SEMA6D: variants seen among roughly 807,000 people sequenced by gnomAD.
SEMA6D encodes the protein semaphorin-6D.
Under a neutral mutation model 106.6 loss-of-function variants are expected in SEMA6D, and 35 were observed. That is an observed-to-expected ratio of 0.33 (90% CI 0.25 to 0.44). SEMA6D has a LOEUF of 0.44. Ranked by LOEUF, SEMA6D falls within the 20% of genes least tolerant of loss-of-function variation. The probability of loss-of-function intolerance (pLI) is 1.00; values close to 1 mark genes in which losing one functional copy is unlikely to be tolerated. For synonymous variants in SEMA6D, 499 were observed against 487.7 expected (o/e 1.02, Z -0.31); for missense variants, 1,185 against 1,345.9 (o/e 0.88, Z 1.87).
chr15:47,252,858 A>G (rs2033599582), intron 1 of SEMA6D, among the ~76,000 whole-genome samples: 1 of 152,206 alleles, frequency 6.6e-6, no homozygotes, highest in Non-Finnish European at 1.5e-5. Context: ...TAAATATGGG[A>G]ATGCAGGTAT....
intron 3 of SEMA6D, among the ~76,000 whole-genome samples, chr15:47,484,475 T>A (rs113233073): frequency 0.035 from 5,288 of 152,214 alleles, 236 homozygotes; most frequent in African/African-American, 0.1. Context: ...CAAAGAGGAT[T>A]AGCGCAGGTT....
intron 4 of SEMA6D, among the ~76,000 whole-genome samples, chr15:47,611,548 C>T (rs1020555566): frequency 1.3e-5 from 2 of 152,018 alleles, no homozygotes; most frequent in African/African-American, 2.4e-5. Flanking sequence ...ATTAGGCTGA[C>T]GTAATTACAG....
chr15:47,750,236 G>C (rs2081356639), intron 1 of SEMA6D, among the ~76,000 whole-genome samples: 1 of 152,096 alleles, frequency 6.6e-6, no homozygotes, highest in African/African-American at 2.4e-5. Context: ...ATATTGAGGA[G>C]AAAGAGCCTG....
intron 3 of SEMA6D, among the ~76,000 whole-genome samples, chr15:47,488,845 T>C (rs574525016): frequency 6.6e-6 from 1 of 152,298 alleles, no homozygotes; most frequent in African/African-American, 2.4e-5. Flanking sequence ...GGTCACACTC[T>C]TAGGGTCCTG....
Position 47,745,282 on chromosome 15 carries a change from C to T in SEMA6D, c.-54-14463C>T, listed in dbSNP as rs551775814. Among the ~76,000 whole-genome samples the T allele has an allele frequency of 1.1e-4, 16 of 152,332 alleles. No homozygotes were observed. In the South Asian group the frequency reaches 2.7e-3, roughly 26 times the overall value. ...GGATCTCTGGTTCAAGAACTCCTTC[C>T]GTCCTCAGCAACTCTATGAGGTAGC... On this transcript the variant is annotated intron_variant, in intron 1 of 18. Transcript: ENST00000536845.
At chr15:47,312,671 C>A (rs1044359903) in intron 1 of SEMA6D, among the ~76,000 whole-genome samples, 7 of 152,056 alleles carry the variant, frequency 4.6e-5, no homozygotes, top group Non-Finnish European at 1.0e-4. Context: ...ATTTTAACTT[C>A]TCTAATATCT....
chr15:47,677,318 C>G (rs917893663), intron 4 of SEMA6D, among the ~76,000 whole-genome samples: 8 of 152,166 alleles, frequency 5.3e-5, no homozygotes, highest in African/African-American at 1.9e-4. Flanking sequence ...CTGTATATGG[C>G]CTCTCCATGT....
intron 1 of SEMA6D, among the ~76,000 whole-genome samples, chr15:47,201,526 A>G (rs767967617): frequency 7.9e-5 from 12 of 152,190 alleles, no homozygotes; most frequent in Admixed American, 1.3e-4. Flanking sequence ...ATTATTCAAT[A>G]TCAGTAGAAG....
At chr15:47,231,107 C>G (rs2032162538) in intron 1 of SEMA6D, among the ~76,000 whole-genome samples, 1 of 151,968 alleles carries the variant, frequency 6.6e-6, no homozygotes, top group African/African-American at 2.4e-5. Flanking sequence ...TCCTCCTCCT[C>G]TTTGCCTTCC....
intron 2 of SEMA6D, chr15:47,470,377 A>G (rs1415114935): frequency 6.6e-6 from 1 of 151,386 alleles, no homozygotes; most frequent in Non-Finnish European, 1.5e-5. Flanking sequence ...ATTCCAATTT[A>G]TTTTCTCTTT....
chr15:47,743,464 T>C (rs1264972652), intron 1 of SEMA6D, among the ~76,000 whole-genome samples: 1 of 152,104 alleles, frequency 6.6e-6, no homozygotes, highest in Non-Finnish European at 1.5e-5. Context: ...GACTAACCAC[T>C]TTTTTGGGAG....
chr15:47,265,398 T>C (rs1396889478), intron 1 of SEMA6D, among the ~76,000 whole-genome samples: 23 of 151,888 alleles, frequency 1.5e-4, no homozygotes, highest in Non-Finnish European at 3.4e-4. Flanking sequence ...ATTTCAGTTA[T>C]GGTACTTTGC....
At chr15:47,538,872 A>G (rs936233823) in intron 3 of SEMA6D, among the ~76,000 whole-genome samples, 1 of 152,222 alleles carries the variant, frequency 6.6e-6, no homozygotes, top group Non-Finnish European at 1.5e-5. Flanking sequence ...TACAAAGAAC[A>G]GACACACCTT....
At chr15:47,544,396 A>T (rs2045451760) in intron 3 of SEMA6D, among the ~76,000 whole-genome samples, 2 of 152,152 alleles carry the variant, frequency 1.3e-5, no homozygotes, top group Admixed American at 1.3e-4. Flanking sequence ...TATTGAATAC[A>T]TGTTTATTGG....
chr15:47,338,854 A>G (rs915973618), intron 1 of SEMA6D, among the ~76,000 whole-genome samples: 2 of 152,134 alleles, frequency 1.3e-5, no homozygotes, highest in Non-Finnish European at 2.9e-5. Context: ...CATCTGTCCA[A>G]GGCAGGATTC....
chr15:47,694,954 A>G (rs2078668461), intron 4 of SEMA6D, among the ~76,000 whole-genome samples: 1 of 152,190 alleles, frequency 6.6e-6, no homozygotes, highest in Non-Finnish European at 1.5e-5. Flanking sequence ...TGAACACCAT[A>G]GGCATGTGAG....
intron 2 of SEMA6D, among the ~76,000 whole-genome samples, chr15:47,420,476 T>C (rs901186579): frequency 6.6e-6 from 1 of 152,040 alleles, no homozygotes; most frequent in African/African-American, 2.4e-5. Flanking sequence ...CTGGAAATAC[T>C]GCCTTCTCCC....
intron 1 of SEMA6D, among the ~76,000 whole-genome samples, chr15:47,325,952 C>T (rs1413681631): frequency 6.6e-6 from 1 of 152,144 alleles, no homozygotes; most frequent in African/African-American, 2.4e-5. Flanking sequence ...ACTCATGTAA[C>T]TAGTTATTAG....
At chr15:47,412,283 C>T (rs1282262513) in intron 1 of SEMA6D, 1 of 152,514 alleles carries the variant, frequency 6.6e-6, no homozygotes, top group African/African-American at 2.4e-5. Context: ...ATCATTAAAG[C>T]AGCAGCAGGC....
Sources: allele counts gnomAD v4.1 joint callset (sites outside exome capture counted in the v4.1 genomes callset), GRCh38; gene constraint gnomAD v4.1.1; transcripts MANE v1.5; gene names NCBI Gene and HGNC (gene_info 2026-07-23, HGNC 2026-07-21).